The following XIRP2 variants were observed in gnomAD, a reference collection of about 807,000 sequenced individuals.
XIRP2 encodes the protein xin actin binding repeat containing 2.
In XIRP2, 236 loss-of-function variants were observed where a neutral mutation model predicts 277.0. The observed-to-expected ratio is 0.85, with a 90% CI of 0.77 to 0.95. The LOEUF is 0.95. XIRP2 is among the 40% of genes least tolerant of loss of function. XIRP2 has a pLI of 0.00. For missense variants in XIRP2, 4,640 were observed against 4,157.5 expected (o/e 1.12, Z -3.19); for synonymous variants, 1,490 against 1,416.5 (o/e 1.05, Z -1.17).
chr2:166,966,990 AG>A (rs1686450415), intron 2 of XIRP2, among the ~76,000 whole-genome samples: 1 of 151,916 alleles, frequency 6.6e-6, no homozygotes, highest in Non-Finnish European at 1.5e-5. Context: ...GGAGATTTGT[AG>A]GCACCCCATA....
chr2:167,070,106 G>A (rs945193533), intron 2 of XIRP2, among the ~76,000 whole-genome samples: 1 of 151,906 alleles, frequency 6.6e-6, no homozygotes, highest in African/African-American at 2.4e-5. Flanking sequence ...CAAGGTTCTT[G>A]CTGGAATTCC....
rs753832931 is a variant in XIRP2 at position 167,244,342 on chromosome 2, G to A, written c.2950G>A (p.Glu984Lys). 1.2e-5 allele frequency: 20 copies of A among 1,613,490 alleles called. No individual in the cohort carries two copies. Among genetic ancestry groups the A allele is most frequent in the Admixed American group, 5.0e-5 (3 of 59,960 alleles). Residue 984 changes from glutamate (E) to lysine (K), a missense_variant, in exon 9 of 11, where the codon GAG (glutamate) becomes AAG (lysine). Coordinates refer to ENST00000409195, the MANE Select transcript of XIRP2 (RefSeq NM_152381.6). ...GAVELNKSLF[E>K]TTPLYAIQDP... ...TGTAGAGTTAAATAAATCTCTCTTC[G>A]AGACAACACCACTGTATGCCATTCA...
intron 3 of XIRP2, among the ~76,000 whole-genome samples, chr2:167,181,505 TTAG>T (rs2105357472): frequency 6.6e-6 from 1 of 152,312 alleles, no homozygotes; most frequent in East Asian, 1.9e-4. Flanking sequence ...TCTCTCATTA[TTAG>T]TAATTAATGT....
intron 2 of XIRP2, among the ~76,000 whole-genome samples, chr2:167,091,086 T>G (rs945630383): frequency 2.0e-5 from 3 of 152,176 alleles, no homozygotes; most frequent in African/African-American, 7.2e-5. Context: ...AGAAGTTAAC[T>G]GTCAGTCTTC....
intron 2 of XIRP2, among the ~76,000 whole-genome samples, chr2:166,920,212 C>G (rs1404407026): frequency 6.6e-6 from 1 of 152,138 alleles, no homozygotes. Flanking sequence ...TAGTCACAAT[C>G]ATCATAGAAG....
At chr2:166,933,135 A>C (rs116835000) in intron 2 of XIRP2, among the ~76,000 whole-genome samples, 3,623 of 151,820 alleles carry the variant, frequency 0.024, 55 homozygotes, top group Non-Finnish European at 0.036. Context: ...AATTGGAATA[A>C]ATTAAACTTA....
At chr2:167,257,808 G>A (rs764439224) in intron 10 of XIRP2, 49 bp from the exon 11 acceptor site, 3 of 1,521,068 alleles carry the variant, frequency 2.0e-6, no homozygotes, top group Non-Finnish European at 2.6e-6. Flanking sequence ...AATTCCCTAT[G>A]AACTTACAGT....
intron 2 of XIRP2, among the ~76,000 whole-genome samples, chr2:167,083,230 G>T (rs1428723337): frequency 6.6e-6 from 1 of 151,952 alleles, no homozygotes; most frequent in Non-Finnish European, 1.5e-5. Flanking sequence ...CTTTTCTCAG[G>T]TTTGTCAAAG....
chr2:166,973,369 C>T (rs905418772), intron 2 of XIRP2, among the ~76,000 whole-genome samples: 13 of 152,266 alleles, frequency 8.5e-5, no homozygotes, highest in African/African-American at 2.6e-4. Context: ...CTTTTAACTT[C>T]GCTTTTTGTT....
chr2:167,085,623 G>A (rs1273797220), intron 2 of XIRP2, among the ~76,000 whole-genome samples: 3 of 152,088 alleles, frequency 2.0e-5, no homozygotes, highest in Non-Finnish European at 2.9e-5. Flanking sequence ...GAATCTGGGT[G>A]CTCCTGTATT....
intron 2 of XIRP2, among the ~76,000 whole-genome samples, chr2:167,108,042 G>A (rs1690657301): frequency 6.6e-6 from 1 of 151,600 alleles, no homozygotes; most frequent in South Asian, 2.1e-4. Flanking sequence ...TACTTATGGA[G>A]TTATACAAAC....
At chr2:167,051,212 ACAAT>A (rs1449324498) in intron 2 of XIRP2, among the ~76,000 whole-genome samples, 1 of 152,128 alleles carries the variant, frequency 6.6e-6, no homozygotes, top group Admixed American at 6.6e-5. Context: ...CTAGACAGAG[ACAAT>A]CAGTCACATC....
Position 167,246,938 on chromosome 2 carries a change from G to A in XIRP2, c.5546G>A (p.Ser1849Asn). 6.2e-7 allele frequency: 1 copy of A among 1,613,378 alleles called. No individual in the cohort carries two copies. The highest frequency in any genetic ancestry group is 8.5e-7 in the Non-Finnish European group (1 of 1,179,768). Residue 1849 changes from serine to asparagine, a missense_variant, in exon 9 of 11, where the codon AGC becomes AAC. Transcript: ENST00000409195. The part of the protein sequence containing the change: ...GDLTSTLNSL[S>N]QAVNQKTVTK... The stretch of plus-strand genomic sequence containing the variant: ...TTGACATCAACCCTAAATTCCCTCA[G>A]CCAGGCTGTAAATCAGAAAACAGTG...
intron 2 of XIRP2, among the ~76,000 whole-genome samples, chr2:167,115,128 A>T (rs1034598217): frequency 1.3e-5 from 2 of 152,086 alleles, no homozygotes; most frequent in African/African-American, 4.8e-5. Flanking sequence ...CTTTTTAAAG[A>T]TTGCCATTCT....
At chr2:166,896,821 G>T (rs757836455) in intron 1 of XIRP2, among the ~76,000 whole-genome samples, 1 of 152,088 alleles carries the variant, frequency 6.6e-6, no homozygotes, top group Non-Finnish European at 1.5e-5. Context: ...CTCCATTAAT[G>T]ATAAGTTCCC....
chr2:166,963,604 G>A (rs1305589602), intron 2 of XIRP2, among the ~76,000 whole-genome samples: 1 of 151,684 alleles, frequency 6.6e-6, no homozygotes, highest in Non-Finnish European at 1.5e-5. Context: ...ACAGATTTTA[G>A]GTAAGAGAAA....
At chr2:167,221,856 A>G (rs1381755187) in intron 5 of XIRP2, among the ~76,000 whole-genome samples, 1 of 152,196 alleles carries the variant, frequency 6.6e-6, no homozygotes, top group East Asian at 1.9e-4. Context: ...TTGGAAATCA[A>G]GTTTAATTAG....
rs1046369798 is a variant in XIRP2 at position 167,075,084 on chromosome 2, G to A, written c.409-60825G>A. On this transcript the variant is annotated intron_variant, in intron 2 of 10. Coordinates refer to ENST00000409195, the MANE Select transcript of XIRP2 (RefSeq NM_152381.6). ...TAGCATCTATAGTTTATTTGGATGTGTATGTATGGATTTACTCAACATAAA... is the reference window on the plus strand; with the variant it reads ...TAGCATCTATAGTTTATTTGGATGTATATGTATGGATTTACTCAACATAAA... Among the ~76,000 whole-genome samples the A allele has an allele frequency of 1.1e-4, 16 of 152,306 alleles. No individual in the cohort carries two copies. In the East Asian group the frequency reaches 3.1e-3, roughly 29 times the overall value.
chr2:167,007,542 T>G (rs1687535402), intron 2 of XIRP2, among the ~76,000 whole-genome samples: 1 of 151,686 alleles, frequency 6.6e-6, no homozygotes, highest in African/African-American at 2.4e-5. Flanking sequence ...TTGCAGCAAC[T>G]GTATCACCCT....
Sources: allele counts gnomAD v4.1 joint callset (sites outside exome capture counted in the v4.1 genomes callset), GRCh38; gene constraint gnomAD v4.1.1; transcripts MANE v1.5; gene names NCBI Gene and HGNC (gene_info 2026-07-23, HGNC 2026-07-21).